The following PFKFB2 variants were observed in gnomAD, a reference collection of about 807,000 sequenced individuals.
PFKFB2 encodes 6-phosphofructo-2-kinase/fructose-2,6-biphosphatase 2, also known as 6-phosphofructo-2-kinase/fructose-2,6-bisphosphatase 2.
In PFKFB2, 53 loss-of-function variants were observed where a neutral mutation model predicts 68.0. The observed-to-expected ratio is 0.78, with a 90% CI of 0.63 to 0.98. The LOEUF is 0.98. Among genes scored for constraint, PFKFB2 ranks in the 50% least tolerant of loss-of-function variants. The probability of loss-of-function intolerance (pLI) is 0.00; values close to 1 mark genes in which losing one functional copy is unlikely to be tolerated. For missense variants in PFKFB2, 451 were observed against 642.0 expected (o/e 0.70, Z 3.22); for synonymous variants, 222 against 227.6 (o/e 0.98, Z 0.22).
intron 2 of PFKFB2, among the ~76,000 whole-genome samples, chr1:207,059,207 G>A (rs1389722159): frequency 2.6e-5 from 4 of 152,186 alleles, no homozygotes; most frequent in African/African-American, 9.7e-5. Context: ...GTCCACATGG[G>A]TAAACAAGAG....
At chr1:207,039,786 G>C (rs896722212) in intron 1 of PFKFB2, among the ~76,000 whole-genome samples, 1 of 152,050 alleles carries the variant, frequency 6.6e-6, no homozygotes, top group Non-Finnish European at 1.5e-5. Flanking sequence ...CAAAAAGATA[G>C]TGAAGAATTT....
downstream of PFKFB2, chr1:207,081,027 A>G: frequency 6.6e-6 from 1 of 152,338 alleles, no homozygotes. Context: ...TTAATTAAAA[A>G]TGCAATTAAT....
chr1:207,061,041 AATAT>A (rs1683076466), intron 2 of PFKFB2: 1 of 137,156 alleles, frequency 7.3e-6, no homozygotes, highest in East Asian at 2.0e-4. Context: ...AAATATCTTA[AATAT>A]ATATATTTTA....
chr1:207,061,139 ATCTTTATATATATTTATATATATC>A lies in PFKFB2; in HGVS notation c.86-812_86-789del, dbSNP rs1297768549. On this transcript the variant is annotated intron_variant, in intron 2 of 14. Transcript: ENST00000367080. ...TATCTTTATATATATCTTTATATATATCTTTATATATATTTATATATATCTTTATATATATATATATATATATAT... is the reference window on the plus strand; with the variant it reads ...TATCTTTATATATATCTTTATATATATTTATATATATATATATATATATAT... 2.2e-4 allele frequency among the ~76,000 whole-genome samples: 22 copies of A among 101,908 alleles called. 1 individual carries two copies. The highest frequency in any genetic ancestry group is 8.8e-4 in the African/African-American group (22 of 25,134). The allele number at this position is 101,908 out of a possible 152,430, so 66.9% of individuals were successfully genotyped here.
At chr1:207,044,864 T>C (rs1682556719) in intron 2 of PFKFB2, 1 of 152,510 alleles carries the variant, frequency 6.6e-6, no homozygotes, top group African/African-American at 2.4e-5. Context: ...CCTTTAAATG[T>C]GTATGAATCA....
intron 1 of PFKFB2, among the ~76,000 whole-genome samples, chr1:207,039,527 G>T (rs1035235980): frequency 6.6e-6 from 1 of 152,062 alleles, no homozygotes; most frequent in Non-Finnish European, 1.5e-5. Flanking sequence ...TTTCCTATTG[G>T]ACAGTTCTAA....
chr1:207,050,265 G>A (rs74863032), upstream of PFKFB2, among the ~76,000 whole-genome samples: 3 of 151,926 alleles, frequency 2.0e-5, no homozygotes, highest in East Asian at 1.9e-4. Context: ...CCTGTCAAAC[G>A]AAGTATCTAC....
At position 207,074,774 on chromosome 1, in the gene PFKFB2, T is replaced by G; in HGVS notation, c.*2403T>G. ...GAAGGTTATTTTAAGAGACAGGACA[T>G]GTAATTTATAACAAATGGACATTTG... is the stretch of plus-strand genomic sequence containing the variant. On this transcript the variant is annotated 3_prime_UTR_variant, in exon 15 of 15. Coordinates refer to ENST00000367080, the MANE Select transcript of PFKFB2 (RefSeq NM_006212.2). 2.0e-6 allele frequency: 2 copies of G among 985,424 alleles called. No homozygotes were observed. Among genetic ancestry groups the G allele is most frequent in the Non-Finnish European group, 2.4e-6 (2 of 829,928 alleles). 61.0% of individuals were successfully genotyped at this position (985,424 alleles called of 1,614,324 possible). A position where few individuals can be genotyped will look rare whatever the true frequency, so the allele number is the denominator to read the frequency against.
chr1:207,068,054 C>T (rs373408324), intron 9 of PFKFB2, 109 bp from the exon 10 acceptor site: 4 of 1,007,380 alleles, frequency 4.0e-6, no homozygotes, highest in Non-Finnish European at 5.9e-6. Context: ...CACGTTGTCC[C>T]TTACAGACCA....
chr1:207,068,088 T>A, intron 9 of PFKFB2, 75 bp from the exon 10 acceptor site: 1 of 908,326 alleles, frequency 1.1e-6, no homozygotes, highest in South Asian at 1.8e-5. Flanking sequence ...TGTGTATGTG[T>A]GTGTTGAGTG....
downstream of PFKFB2, chr1:207,079,160 G>A (rs116086996): frequency 4.7e-3 from 3,397 of 721,548 alleles, 77 homozygotes; most frequent in African/African-American, 0.053. Context: ...CTGGAGAAAC[G>A]TCACCATATT....
chr1:207,048,146 T>C (rs1682642670), intron 2 of PFKFB2: 1 of 152,658 alleles, frequency 6.6e-6, no homozygotes, highest in South Asian at 2.1e-4. Context: ...GTACCCTGCT[T>C]AACTTTAAAA....
At position 207,075,477 on chromosome 1, in the gene PFKFB2, C is replaced by G; in HGVS notation, c.*3106C>G. 2 of 985,408 alleles carry G rather than the reference C, an allele frequency of 2.0e-6. No homozygotes were observed. Among genetic ancestry groups the G allele is most frequent in the Non-Finnish European group, 2.4e-6 (2 of 829,900 alleles). The allele number at this position is 985,408 out of a possible 1,614,324, so 61.0% of individuals were successfully genotyped here. On this transcript the variant is annotated 3_prime_UTR_variant, in exon 15 of 15. Coordinates refer to ENST00000367080, the MANE Select transcript of PFKFB2 (RefSeq NM_006212.2). ...AGCTCTACTTCTCATCTTTTCTCTC[C>G]TGGTCTTACTTGAATGCATGTTGGT...
intron 2 of PFKFB2, among the ~76,000 whole-genome samples, chr1:207,058,058 A>C (rs1226131983): frequency 6.6e-6 from 1 of 152,236 alleles, no homozygotes; most frequent in Non-Finnish European, 1.5e-5. Flanking sequence ...CTATATTGTA[A>C]GCTGTTTTCA....
At position 207,072,347 on chromosome 1, in the gene PFKFB2, G is replaced by A; in HGVS notation, c.1494G>A (p.Gln498=). 1 of 1,613,620 alleles carries A rather than the reference G, an allele frequency of 6.2e-7. No homozygotes were observed. Among genetic ancestry groups the A allele is most frequent in the African/African-American group, 1.3e-5 (1 of 75,014 alleles). Residue 498 remains glutamine (Q), a synonymous_variant, in exon 15 of 15, where the codon CAG becomes CAA. Transcript: ENST00000367080. ...PLKPLSPLRA[Q]DMQEGAD is the part of the protein sequence containing the mutation. ...AGCCCCTCAGCCCTCTCCGTGCCCA[G>A]GACATGCAAGAAGGGGCCGACTAGC...
In PFKFB2 at chr1:207,077,730, T is replaced by A; in HGVS notation, c.*5359T>A. On this transcript the variant is annotated 3_prime_UTR_variant, in exon 15 of 15. Transcript: ENST00000367080. ...AACAAAGTATGCCACTCAGATCCAT[T>A]TAAAGTGTGCATAACTGTATTTGAA... 1.0e-6 allele frequency: 1 copy of A among 985,348 alleles called. No homozygotes were observed. The highest frequency in any genetic ancestry group is 5.2e-4 in the Middle Eastern group (1 of 1,912). 61.0% of individuals were successfully genotyped at this position (985,348 alleles called of 1,614,324 possible).
In PFKFB2 at chr1:207,070,213, C is replaced by T; in HGVS notation, c.1093-67C>T. ...AGAAGTGGCCCTTAGTCTCCAAGGT[C>T]CAGCCACTGACTTGGCTGCCAGCTT... On this transcript the variant is annotated intron_variant, in intron 11 of 14. Coordinates refer to ENST00000367080, the MANE Select transcript of PFKFB2 (RefSeq NM_006212.2). This position sits in a 1 kb window ranked among gnomAD's most constrained non-coding sequence, Gnocchi z 4.2. 1 of 1,593,384 alleles carries T rather than the reference C, an allele frequency of 6.3e-7. No homozygotes were observed. The highest frequency in any genetic ancestry group is 8.6e-7 in the Non-Finnish European group (1 of 1,168,330).
chr1:207,065,150 AACTATGAC>A lies in PFKFB2; in HGVS notation c.624_631del (p.Asn208LysfsTer61). On this transcript the variant is annotated frameshift_variant and splice_region_variant, in exon 8 of 15. Coordinates refer to ENST00000367080, the MANE Select transcript of PFKFB2 (RefSeq NM_006212.2). LOFTEE classifies it high-confidence loss of function. ...TACCTACCGACCTCTTGACCCAGAC[AACTATGAC>A]AAGTAAGGTTTAAGGCCATGGTTTG... is the stretch of plus-strand genomic sequence containing the variant. The A allele has an allele frequency of 6.2e-7, 1 of 1,613,880 alleles. No individual in the cohort carries two copies. The highest frequency in any genetic ancestry group is 8.5e-7 in the Non-Finnish European group (1 of 1,179,878).
At chr1:207,058,585 C>T (rs902027421) in intron 2 of PFKFB2, among the ~76,000 whole-genome samples, 2 of 152,132 alleles carry the variant, frequency 1.3e-5, no homozygotes, top group Non-Finnish European at 2.9e-5. Context: ...GTTATCAAGT[C>T]CTCATTTTTT....
Sources: allele counts gnomAD v4.1 joint callset (sites outside exome capture counted in the v4.1 genomes callset), GRCh38; gene constraint gnomAD v4.1.1; non-coding constraint Gnocchi (gnomAD v3.1); transcripts MANE v1.5; gene names NCBI Gene and HGNC (gene_info 2026-07-23, HGNC 2026-07-21).